Variants in STIM1 observed in about 807,000 individuals in gnomAD.
STIM1 encodes stromal interaction molecule 1.
Under a neutral mutation model 74.7 loss-of-function variants are expected in STIM1, and 25 were observed. That is an observed-to-expected ratio of 0.33 (90% CI 0.24 to 0.47). The LOEUF is 0.47. Ranked by LOEUF, STIM1 falls within the 20% of genes least tolerant of loss-of-function variation. The pLI is 1.00. For missense variants in STIM1, 728 were observed against 920.8 expected (o/e 0.79, Z 2.71); for synonymous variants, 328 against 348.8 (o/e 0.94, Z 0.66).
intron 3 of STIM1, among the ~76,000 whole-genome samples, chr11:4,033,200 C>A (rs2094066880): frequency 6.6e-6 from 1 of 151,972 alleles, no homozygotes; most frequent in Non-Finnish European, 1.5e-5. Context: ...GGGCTCTGTT[C>A]TGTTCCATTG....
intron 7 of STIM1, among the ~76,000 whole-genome samples, chr11:4,079,736 A>G (rs1398093198): frequency 6.6e-6 from 1 of 152,218 alleles, no homozygotes; most frequent in Admixed American, 6.5e-5. Context: ...TTTTTCTCCC[A>G]TGACCTACCA....
chr11:3,902,440 G>A (rs1032096578), intron 1 of STIM1, among the ~76,000 whole-genome samples: 3 of 152,152 alleles, frequency 2.0e-5, no homozygotes, highest in African/African-American at 7.2e-5. Flanking sequence ...CCAGGGTGCG[G>A]GGTGGGGATG....
chr11:3,936,327 A>C (rs1404843679), intron 1 of STIM1, among the ~76,000 whole-genome samples: 1 of 152,134 alleles, frequency 6.6e-6, no homozygotes, highest in East Asian at 1.9e-4. Flanking sequence ...GTCCTAGTGG[A>C]CAAGTGCATT....
intron 1 of STIM1, chr11:3,867,941 G>A (rs2090925872): frequency 6.6e-6 from 1 of 152,172 alleles, no homozygotes; most frequent in South Asian, 2.1e-4. Flanking sequence ...GCTCCTGTTT[G>A]GCCTCTCTGG....
Position 3,856,357 on chromosome 11 carries a change from G to C in STIM1, c.87G>C (p.Glu29Asp). The C allele has an allele frequency of 3.7e-6, 6 of 1,614,212 alleles. No homozygotes were observed. The highest frequency in any genetic ancestry group is 1.3e-5 in the African/African-American group (1 of 75,078). ...AGAGCCTCAGCCATAGTCACAGTGAGAAGGCGACAGGAACCAGCTCGGGGG... is the reference window on the plus strand; with the variant it reads ...AGAGCCTCAGCCATAGTCACAGTGACAAGGCGACAGGAACCAGCTCGGGGG... ...QGQSLSHSHSEKATGTSSGAN... is the reference protein window; with the variant it reads ...QGQSLSHSHSDKATGTSSGAN... Residue 29 changes from glutamate (E) to aspartate (D), a missense_variant, in exon 1 of 13, where the codon GAG becomes GAC. Glu to Asp is a conservative substitution (Grantham distance 45, BLOSUM62 2). This residue lies in a region of STIM1 where 62 missense variants were observed against 55.5 expected (regional missense o/e 1.12). Transcript: ENST00000526596.
chr11:4,048,883 G>A (rs1357300420), intron 3 of STIM1, among the ~76,000 whole-genome samples: 5 of 151,770 alleles, frequency 3.3e-5, no homozygotes, highest in East Asian at 1.9e-4. Context: ...ATAGGTGCCC[G>A]CCACCACGCC....
intron 4 of STIM1, 119 bp from the exon 5 acceptor site, chr11:4,059,162 G>A (rs2094312728): frequency 1.1e-6 from 1 of 900,460 alleles, no homozygotes; most frequent in Admixed American, 2.0e-5. Flanking sequence ...GTGTTCTAGA[G>A]TGCAGAGGGG....
chr11:4,032,845 T>C (rs1244207676), intron 3 of STIM1, among the ~76,000 whole-genome samples: 1 of 152,340 alleles, frequency 6.6e-6, no homozygotes, highest in South Asian at 2.1e-4. Context: ...AATGGTATTT[T>C]AAAATAATTT....
chr11:3,918,517 C>G (rs1328088536), intron 1 of STIM1, among the ~76,000 whole-genome samples: 1 of 136,348 alleles, frequency 7.3e-6, no homozygotes, highest in African/African-American at 2.8e-5. Flanking sequence ...GCCTGGGAGA[C>G]AGTCAGACAC....
At chr11:4,021,603 AG>A (rs1447047827) in intron 2 of STIM1, among the ~76,000 whole-genome samples, 1 of 152,240 alleles carries the variant, frequency 6.6e-6, no homozygotes, top group African/African-American at 2.4e-5. Context: ...AATATTTTAA[AG>A]TCAGATGGTG....
rs555655621 is a variant in STIM1, at chr11:4,084,605, T to C, written c.1475-68T>C. ...TGCCCCCAGCCCTTCCTTTATTACA[T>C]TGATGGCAGGCCGAAGCCCTCCATA... is the stretch of plus-strand genomic sequence containing the variant. On this transcript the variant is annotated intron_variant, in intron 10 of 12. Transcript: ENST00000526596. 1.9e-5 allele frequency: 23 copies of C among 1,232,096 alleles called. No individual in the cohort carries two copies. The South Asian group carries it at 2.6e-4, about 14-fold the overall frequency. The allele number at this position is 1,232,096 out of a possible 1,614,324, so 76.3% of individuals were successfully genotyped here.
chr11:4,071,667 T>C (rs2133169493), intron 6 of STIM1, among the ~76,000 whole-genome samples: 1 of 152,326 alleles, frequency 6.6e-6, no homozygotes, highest in African/African-American at 2.4e-5. Flanking sequence ...TGGTAAACAC[T>C]ATTTAATTTG....
At chr11:3,974,886 A>G (rs1366485447) in intron 2 of STIM1, among the ~76,000 whole-genome samples, 1 of 152,188 alleles carries the variant, frequency 6.6e-6, no homozygotes, top group African/African-American at 2.4e-5. Context: ...TTGGGCAGAC[A>G]AGGGCCTACC....
chr11:4,090,912 T>C (rs2094520315), intron 12 of STIM1, among the ~76,000 whole-genome samples: 1 of 151,882 alleles, frequency 6.6e-6, no homozygotes, highest in South Asian at 2.1e-4. Flanking sequence ...TTCTTATCTG[T>C]TTCTTCCCTC....
intron 2 of STIM1, among the ~76,000 whole-genome samples, chr11:4,012,168 G>A (rs2093843822): frequency 6.6e-6 from 1 of 152,154 alleles, no homozygotes; most frequent in African/African-American, 2.4e-5. Flanking sequence ...GATGCCTCCA[G>A]CTTTGTTCTC....
chr11:4,083,176 C>G (rs1391320546), intron 9 of STIM1, 87 bp from the exon 10 acceptor site: 9 of 1,428,970 alleles, frequency 6.3e-6, no homozygotes, highest in South Asian at 1.2e-5. Context: ...CACATATTCT[C>G]AAAACTTGTT....
intron 1 of STIM1, among the ~76,000 whole-genome samples, chr11:3,926,732 T>C (rs1386110863): frequency 6.6e-6 from 1 of 152,236 alleles, no homozygotes; most frequent in Non-Finnish European, 1.5e-5. Flanking sequence ...GAATTTTGTA[T>C]CTGCAGCTAA....
intron 3 of STIM1, among the ~76,000 whole-genome samples, chr11:4,029,103 G>A (rs1014562618): frequency 3.3e-5 from 5 of 151,094 alleles, no homozygotes; most frequent in Non-Finnish European, 7.4e-5. Context: ...CAGGAGAATT[G>A]CTTGAAACTG....
At chr11:4,045,570 C>A (rs1025185797) in intron 3 of STIM1, among the ~76,000 whole-genome samples, 2 of 151,880 alleles carry the variant, frequency 1.3e-5, no homozygotes, top group African/African-American at 2.4e-5. Flanking sequence ...CCACCTCAGC[C>A]TCCTGAGTAG....
Sources: allele counts gnomAD v4.1 joint callset (sites outside exome capture counted in the v4.1 genomes callset), GRCh38; gene constraint gnomAD v4.1.1; regional missense constraint gnomAD v4.1.1; transcripts MANE v1.5; gene names NCBI Gene and HGNC (gene_info 2026-07-23, HGNC 2026-07-21).